Variants in MTUS2 observed in about 807,000 individuals in gnomAD.
MTUS2 encodes microtubule-associated tumor suppressor candidate 2.
MTUS2 carries 40 observed loss-of-function variants against 114.1 expected under a neutral mutation model. The ratio of observed to expected loss-of-function variants is 0.35; its 90% CI spans 0.27 to 0.46. MTUS2 has a LOEUF of 0.46. MTUS2 is among the 20% of genes least tolerant of loss of function. MTUS2 has a pLI of 1.00. For synonymous variants in MTUS2, 688 were observed against 672.0 expected (o/e 1.02, Z -0.37); for missense variants, 1,679 against 1,705.4 (o/e 0.98, Z 0.27).
chr13:29,475,795 A>G (rs1566223247), intron 9 of MTUS2, among the ~76,000 whole-genome samples: 1 of 152,258 alleles, frequency 6.6e-6, no homozygotes. Flanking sequence ...AGTTTGAAAA[A>G]ATCAAAAAGT....
chr13:29,448,902 G>A (rs140998877), intron 9 of MTUS2, among the ~76,000 whole-genome samples: 8 of 151,670 alleles, frequency 5.3e-5, no homozygotes, highest in Non-Finnish European at 1.2e-4. Context: ...TACAGACACG[G>A]GCCACCACGC....
At chr13:29,337,955 A>AATTTTTT (rs1901166752) in intron 7 of MTUS2, among the ~76,000 whole-genome samples, 3 of 143,416 alleles carry the variant, frequency 2.1e-5, no homozygotes, top group Admixed American at 2.1e-4. Flanking sequence ...TGCCCTGCTA[A>AATTTTTT]TTTTTTTTTT....
chr13:29,045,597 A>C (rs1186600633), intron 4 of MTUS2, among the ~76,000 whole-genome samples: 1 of 152,182 alleles, frequency 6.6e-6, no homozygotes, highest in Non-Finnish European at 1.5e-5. Flanking sequence ...GGTGGATTTC[A>C]AGTCCTAAAG....
At chr13:29,139,399 C>T (rs1892120758) in intron 5 of MTUS2, among the ~76,000 whole-genome samples, 1 of 152,160 alleles carries the variant, frequency 6.6e-6, no homozygotes, top group Non-Finnish European at 1.5e-5. Context: ...TAACTTAGGG[C>T]CACAGTTAGG....
At chr13:29,347,842 C>T (rs1320900415) in intron 7 of MTUS2, among the ~76,000 whole-genome samples, 1 of 151,926 alleles carries the variant, frequency 6.6e-6, no homozygotes, top group Non-Finnish European at 1.5e-5. Flanking sequence ...ATTATAACAG[C>T]TCACAGAACT....
At chr13:29,069,736 C>G in intron 4 of MTUS2, among the ~76,000 whole-genome samples, 1 of 152,162 alleles carries the variant, frequency 6.6e-6, no homozygotes, top group East Asian at 1.9e-4. Flanking sequence ...ATAACTAATT[C>G]GAAGAGATTT....
intron 6 of MTUS2, among the ~76,000 whole-genome samples, chr13:29,285,699 A>G (rs1210374048): frequency 2.0e-5 from 3 of 152,214 alleles, no homozygotes; most frequent in Non-Finnish European, 2.9e-5. Context: ...CAACAACAAC[A>G]CAAAGTGTGA....
Position 29,171,202 on chromosome 13 carries a change from C to G in MTUS2, c.2644+70232C>G, listed in dbSNP as rs184756416. On this transcript the variant is annotated intron_variant, in intron 5 of 15. Coordinates refer to ENST00000612955, the MANE Select transcript of MTUS2 (RefSeq NM_001033602.4). The stretch of plus-strand genomic sequence containing the variant: ...GGGTAATTGTAGCGAATTAAATTTT[C>G]TGGTTAATGTAGGGCTAACAAGAAC... Among the ~76,000 whole-genome samples, 15 of 152,060 alleles carry G rather than the reference C, an allele frequency of 9.9e-5. 1 individual carries two copies. In the East Asian group the frequency reaches 2.9e-3, roughly 29 times the overall value.
chr13:29,329,013 G>A (rs1371073781), intron 7 of MTUS2, among the ~76,000 whole-genome samples: 1 of 152,044 alleles, frequency 6.6e-6, no homozygotes, highest in Non-Finnish European at 1.5e-5. Flanking sequence ...AGGAATTTGG[G>A]CAAGAGAAAA....
Position 29,017,796 on chromosome 13 carries a change from A to C in MTUS2, c.-242-6661A>C, listed in dbSNP as rs182606581. Among the ~76,000 whole-genome samples, 285 of 152,286 alleles carry C rather than the reference A, an allele frequency of 1.9e-3. 1 individual carries two copies. Among genetic ancestry groups the C allele is most frequent in the Non-Finnish European group, 3.6e-3 (243 of 68,026 alleles). ...CTCATCTGGAGTGCCTACTATGTGC[A>C]AAGTGCTGTCCCAGAAATTACATAG... On this transcript the variant is annotated intron_variant, in intron 2 of 15. Transcript: ENST00000612955.
At chr13:29,103,645 C>A (rs1890523579) in intron 5 of MTUS2, among the ~76,000 whole-genome samples, 1 of 152,108 alleles carries the variant, frequency 6.6e-6, no homozygotes, top group Non-Finnish European at 1.5e-5. Flanking sequence ...CTGGTTTACA[C>A]CAGCAACACC....
rs985870561 is a variant in MTUS2, at chr13:29,216,239, G to A, written c.2645-65465G>A. On this transcript the variant is annotated intron_variant, in intron 5 of 15. Transcript: ENST00000612955. ...GGATGTCCCTTCCTTCATCAAGCTC[G>A]AGTGTCCCAGGTCGATTCAGAGTGC... Among the ~76,000 whole-genome samples, 4 of 152,196 alleles carry A rather than the reference G, an allele frequency of 2.6e-5. 1 individual carries two copies. Among genetic ancestry groups the A allele is most frequent in the African/African-American group, 9.6e-5 (4 of 41,452 alleles).
chr13:29,187,269 A>G (rs1894264512), intron 5 of MTUS2, among the ~76,000 whole-genome samples: 1 of 152,084 alleles, frequency 6.6e-6, no homozygotes, highest in African/African-American at 2.4e-5. Context: ...AAGTAAATGA[A>G]ATAGAGAGTA....
chr13:29,348,078 T>C (rs112406954), intron 7 of MTUS2, among the ~76,000 whole-genome samples: 11,517 of 151,942 alleles, frequency 0.076, 1,468 homozygotes, highest in African/African-American at 0.26. Context: ...TTATAAGGCT[T>C]CATCACATAG....
At chr13:29,482,816 G>T (rs765236601) in intron 10 of MTUS2, among the ~76,000 whole-genome samples, 13 of 152,224 alleles carry the variant, frequency 8.5e-5, no homozygotes, top group Non-Finnish European at 1.8e-4. Context: ...AAACCCATTG[G>T]TTTGGGGGAA....
At chr13:29,123,781 G>T (rs1017203838) in intron 5 of MTUS2, among the ~76,000 whole-genome samples, 7 of 152,098 alleles carry the variant, frequency 4.6e-5, no homozygotes, top group Non-Finnish European at 1.5e-5. Flanking sequence ...TGTATTGAGA[G>T]CCCTGGATAA....
At chr13:29,374,216 G>C (rs1469764324) in intron 8 of MTUS2, among the ~76,000 whole-genome samples, 2 of 152,024 alleles carry the variant, frequency 1.3e-5, no homozygotes, top group Non-Finnish European at 2.9e-5. Context: ...ATTTTAAAAA[G>C]GTCTAATATT....
rs538102604 is a variant in MTUS2, at chr13:29,318,567, G to A, written c.2807-6046G>A. On this transcript the variant is annotated intron_variant, in intron 6 of 15. Coordinates refer to ENST00000612955, the MANE Select transcript of MTUS2 (RefSeq NM_001033602.4). Reference sequence around the variant, plus strand: ...ACATTGAGCCATCACTCTTGATTGGGCAGCTTTAGGGCCCACAAGTCATGT... The same window carrying A: ...ACATTGAGCCATCACTCTTGATTGGACAGCTTTAGGGCCCACAAGTCATGT... Among the ~76,000 whole-genome samples the A allele has an allele frequency of 3.3e-5, 5 of 152,076 alleles. No individual in the cohort carries two copies. The South Asian group carries it at 1.0e-3, about 32-fold the overall frequency.
At chr13:29,404,067 T>C (rs1293134397) in intron 8 of MTUS2, among the ~76,000 whole-genome samples, 1 of 151,782 alleles carries the variant, frequency 6.6e-6, no homozygotes, top group Non-Finnish European at 1.5e-5. Context: ...TTTCAAGTCT[T>C]GGTTGCTTCA....
Sources: gnomAD v4.1 joint callset for allele counts (sites outside exome capture counted in the v4.1 genomes callset) on GRCh38, gnomAD v4.1.1 for gene constraint, MANE v1.5 for transcripts, NCBI Gene and HGNC (gene_info 2026-07-23, HGNC 2026-07-21) for gene names.